LIN9: variants seen among roughly 807,000 people sequenced by gnomAD.
LIN9 encodes the protein protein lin-9 homolog.
In LIN9, 18 loss-of-function variants were observed where a neutral mutation model predicts 78.0. The ratio of observed to expected loss-of-function variants is 0.23; its 90% confidence interval spans 0.16 to 0.34. The LOEUF (loss-of-function observed/expected upper bound fraction) is 0.34, where lower values mean the gene tolerates loss of function less well. LIN9 is among the 10% of genes least tolerant of loss of function. LIN9 has a pLI of 1.00. For synonymous variants in LIN9, 192 were observed against 215.2 expected (o/e 0.89, Z 0.94); for missense variants, 451 against 644.1 (o/e 0.70, Z 3.25).
At chr1:226,235,449 T>C (rs6605031) in intron 12 of LIN9, among the ~76,000 whole-genome samples, 149,880 of 152,214 alleles carry the variant, frequency 0.98, 73,799 homozygotes, top group African/African-American at 0.99. Context: ...AGTCAAAATA[T>C]AAGTTGAGTA....
chr1:226,309,748 C>CG (rs748393260), upstream of LIN9: 198 of 1,287,668 alleles, frequency 1.5e-4, 4 homozygotes, highest in South Asian at 2.4e-3. Context: ...CCTCGCGATC[C>CG]GGGCACGCCT....
chr1:226,233,128 A>G lies in LIN9; in HGVS notation c.1491T>C (p.Asp497=), dbSNP rs140382721. ...TAGAAGCGTCTATTGTACTCTTGAT[A>G]TCATTTAATGAGTCTGTAAGTGATT... is the stretch of plus-strand genomic sequence containing the variant. ...EFKSLTDSLN[D]IKSTIDASNI... The change falls in exon 14 of 15, where the codon GAT becomes GAC. Residue 497 remains aspartate, a synonymous_variant. Coordinates refer to ENST00000681046, the MANE Select transcript of LIN9 (RefSeq NM_001366245.2). 1.2e-4 allele frequency: 188 copies of G among 1,606,468 alleles called. 1 individual carries two copies. The highest frequency in any genetic ancestry group is 8.8e-4 in the African/African-American group (66 of 74,730).
At chr1:226,273,047 T>G (rs1281000472) in intron 7 of LIN9, among the ~76,000 whole-genome samples, 1 of 152,092 alleles carries the variant, frequency 6.6e-6, no homozygotes, top group African/African-American at 2.4e-5. Flanking sequence ...GCTTAAGTGA[T>G]CCTCGTGCCT....
In LIN9 at chr1:226,295,938, T is replaced by C. The variant is rs745855369; in HGVS notation, c.168A>G (p.Arg56=). Residue 56 remains arginine (R), a synonymous_variant, in exon 4 of 15, where the codon AGA becomes AGG. Transcript: ENST00000681046. Reference sequence around the variant, plus strand: ...AAAAAAGTCGACTTCGTTTTGAATTTCTGAAAGGCTATGATAGAAATGTTT... The same window carrying C: ...AAAAAAGTCGACTTCGTTTTGAATTCCTGAAAGGCTATGATAGAAATGTTT... ...NTSSAVEMPF[R]NSKRSRLFSD... is the part of the protein sequence containing the mutation. 6.2e-6 allele frequency: 10 copies of C among 1,605,824 alleles called. No individual in the cohort carries two copies. The South Asian group carries it at 1.0e-4, about 16-fold the overall frequency.
At chr1:226,299,813 T>C (rs940579270) in intron 2 of LIN9, among the ~76,000 whole-genome samples, 1 of 152,162 alleles carries the variant, frequency 6.6e-6, no homozygotes, top group Admixed American at 6.5e-5. Context: ...CTAATGTACC[T>C]GCCAAAAGAA....
At chr1:226,251,393 A>G (rs930109585) in intron 10 of LIN9, among the ~76,000 whole-genome samples, 2 of 152,062 alleles carry the variant, frequency 1.3e-5, no homozygotes, top group Non-Finnish European at 2.9e-5. Flanking sequence ...ATGCCCAACT[A>G]ATTTTTGTAT....
In LIN9 at chr1:226,233,088, C is replaced by T. The variant is rs764776151; in HGVS notation, c.1523+8G>A. ...ATTAAAATGATTAGAGTATACCTAA[C>T]GAATTACCTGATATTAGAAGCGTCT... On this transcript the variant is annotated splice_region_variant and intron_variant, in intron 14 of 14. Transcript: ENST00000681046. 33 of 1,510,590 alleles carry T rather than the reference C, an allele frequency of 2.2e-5. No individual in the cohort carries two copies. Among genetic ancestry groups the T allele is most frequent in the East Asian group, 6.8e-5 (3 of 44,192 alleles). 93.6% of individuals were successfully genotyped at this position (1,510,590 alleles called of 1,614,324 possible). A position where few individuals can be genotyped will look rare whatever the true frequency, so the allele number is the denominator to read the frequency against.
chr1:226,293,542 T>C (rs373093025), intron 4 of LIN9, among the ~76,000 whole-genome samples: 5 of 152,360 alleles, frequency 3.3e-5, no homozygotes, highest in Admixed American at 6.5e-5. Flanking sequence ...CACTGCATTT[T>C]AGTTTCAACA....
intron 10 of LIN9, among the ~76,000 whole-genome samples, chr1:226,263,928 T>C (rs966300286): frequency 2.2e-4 from 34 of 151,948 alleles, no homozygotes; most frequent in Admixed American, 2.6e-4. Context: ...AAAAAATATA[T>C]TAGCTGGGAG....
rs778485106 is a variant in LIN9 at position 226,233,490 on chromosome 1, G to C, written c.1279C>G (p.Gln427Glu). ...APDQGLQPAD[Q>E]PTDMRRRCEE... is the part of the protein sequence containing the mutation. ...CACCTGCGTCTCATATCTGTTGGCT[G>C]ATCTGCAGGCTGGAGCCCCTGGTCT... The change falls in exon 13 of 15, where the codon CAG becomes GAG. Residue 427 changes from glutamine (Q) to glutamate (E), a missense_variant. Transcript: ENST00000681046. 5.0e-6 allele frequency: 8 copies of C among 1,613,800 alleles called. No homozygotes were observed. The Admixed American group carries it at 1.3e-4, about 27-fold the overall frequency.
chr1:226,278,154 C>A lies in LIN9; in HGVS notation c.525-222G>T, dbSNP rs965838750. On this transcript the variant is annotated intron_variant, in intron 6 of 14. Coordinates refer to ENST00000681046, the MANE Select transcript of LIN9 (RefSeq NM_001366245.2). ...GATTAAAAACTTAAAATCAGCCGGACGTGGTGGCTCACGCCTGTTATCCCA... is the reference window on the plus strand; with the variant it reads ...GATTAAAAACTTAAAATCAGCCGGAAGTGGTGGCTCACGCCTGTTATCCCA... Among the ~76,000 whole-genome samples the A allele has an allele frequency of 4.6e-5, 7 of 152,240 alleles. No individual in the cohort carries two copies. The South Asian group carries it at 1.2e-3, about 27-fold the overall frequency.
intron 6 of LIN9, among the ~76,000 whole-genome samples, chr1:226,281,179 T>C (rs1008164827): frequency 3.3e-5 from 5 of 152,256 alleles, no homozygotes; most frequent in African/African-American, 4.8e-5. Flanking sequence ...GAAAAACAAG[T>C]ATAAGATGTT....
At chr1:226,289,293 C>T (rs1198305061) in intron 4 of LIN9, among the ~76,000 whole-genome samples, 2 of 151,894 alleles carry the variant, frequency 1.3e-5, no homozygotes, top group African/African-American at 4.8e-5. Context: ...TAATATCTTA[C>T]CAGGCATTAA....
At chr1:226,309,279 G>A (rs1467208276), upstream of LIN9, 3 of 1,123,292 alleles carry the variant, frequency 2.7e-6, no homozygotes, top group African/African-American at 5.0e-5. Flanking sequence ...GCGGCTGGCT[G>A]AGGCGGGCCC....
At chr1:226,259,603 C>T (rs1237044439) in intron 10 of LIN9, among the ~76,000 whole-genome samples, 1 of 152,160 alleles carries the variant, frequency 6.6e-6, no homozygotes, top group Non-Finnish European at 1.5e-5. Context: ...TATGCTCTTA[C>T]ACCACAATGA....
intron 7 of LIN9, among the ~76,000 whole-genome samples, chr1:226,268,619 G>T (rs1218101147): frequency 6.6e-6 from 1 of 152,136 alleles, no homozygotes; most frequent in African/African-American, 2.4e-5. Context: ...TTGTGCAAAC[G>T]ATGTGGTTAA....
Position 226,291,871 on chromosome 1 carries a change from AT to A in LIN9, c.264+3970del, listed in dbSNP as rs546981571. On this transcript the variant is annotated intron_variant, in intron 4 of 14. Coordinates refer to ENST00000681046, the MANE Select transcript of LIN9 (RefSeq NM_001366245.2). ...AGGATACCACACTGCATTTAGAAAA[AT>A]AACTTTGTTTTTCTTTGTTTTCCCT... Among the ~76,000 whole-genome samples the A allele has an allele frequency of 3.3e-5, 5 of 152,302 alleles. No individual in the cohort carries two copies. The South Asian group carries it at 1.0e-3, about 32-fold the overall frequency.
chr1:226,264,780 T>C (rs895158759), intron 10 of LIN9, among the ~76,000 whole-genome samples: 1 of 151,894 alleles, frequency 6.6e-6, no homozygotes, highest in African/African-American at 2.4e-5. Flanking sequence ...ATCCAGGAGG[T>C]AGAGGTTGCA....
intron 10 of LIN9, among the ~76,000 whole-genome samples, chr1:226,260,628 G>T (rs891689865): frequency 1.4e-4 from 10 of 73,430 alleles, no homozygotes; most frequent in African/African-American, 3.0e-4. Context: ...GGCCAAATGA[G>T]TTTTTTTTTT....
Sources: allele counts gnomAD v4.1 joint callset (sites outside exome capture counted in the v4.1 genomes callset), GRCh38; gene constraint gnomAD v4.1.1; transcripts MANE v1.5; gene names NCBI Gene and HGNC (gene_info 2026-07-23, HGNC 2026-07-21).